NBAS: variants seen among roughly 807,000 people sequenced by gnomAD.
NBAS encodes NAG/BC035112 fusion.
NBAS carries 219 observed loss-of-function variants against 302.5 expected under a neutral mutation model. The observed-to-expected ratio is 0.72, with a 90% confidence interval of 0.65 to 0.81. The LOEUF is 0.81. Among genes scored for constraint, NBAS ranks in the 30% least tolerant of loss-of-function variants. NBAS has a pLI of 0.00. For synonymous variants in NBAS, 1,118 were observed against 1,021.6 expected, an observed-to-expected ratio of 1.09 and a Z score of -1.80; for missense variants, 2,932 against 2,841.6, an observed-to-expected ratio of 1.03 and a Z score of -0.72.
intron 23 of NBAS, 133 bp downstream of exon 23, chr2:15,424,182 A>T: frequency 4.8e-6 from 5 of 1,051,992 alleles, no homozygotes; most frequent in Non-Finnish European, 7.2e-6. Flanking sequence ...AAAGAAATAA[A>T]TATTCAATTC....
the NBAS span, among the ~76,000 whole-genome samples, chr2:15,082,141 T>C: frequency 2.0e-5 from 3 of 152,168 alleles, no homozygotes; most frequent in Non-Finnish European, 4.4e-5. Flanking sequence ...GTGGTGGTAT[T>C]ATTGGACCAA....
intron 3 of NBAS, among the ~76,000 whole-genome samples, chr2:15,555,645 A>C (rs1664610884): frequency 6.6e-6 from 1 of 152,202 alleles, no homozygotes; most frequent in Non-Finnish European, 1.5e-5. Context: ...ATTGAACTAT[A>C]ATCTTTTTGA....
At chr2:14,820,263 A>C in the NBAS span, among the ~76,000 whole-genome samples, 1 of 152,236 alleles carries the variant, frequency 6.6e-6, no homozygotes, top group Non-Finnish European at 1.5e-5. Context: ...GAAGCAACGT[A>C]AGTGTTCATC....
chr2:14,819,002 C>T, the NBAS span, among the ~76,000 whole-genome samples: 1 of 152,192 alleles, frequency 6.6e-6, no homozygotes, highest in Non-Finnish European at 1.5e-5. Flanking sequence ...CAGAGTCTTC[C>T]CTGAACAGCC....
chr2:15,369,658 T>A (rs1421593226), intron 31 of NBAS, among the ~76,000 whole-genome samples: 1 of 152,232 alleles, frequency 6.6e-6, no homozygotes, highest in Non-Finnish European at 1.5e-5. Flanking sequence ...AAGGAAGAAG[T>A]GTTCAACTCC....
chr2:15,424,210 A>C, intron 23 of NBAS, 105 bp downstream of exon 23: 1 of 1,265,872 alleles, frequency 7.9e-7, no homozygotes. Flanking sequence ...GCAATTATAT[A>C]CATGATTCCT....
intron 21 of NBAS, among the ~76,000 whole-genome samples, chr2:15,452,429 A>T (rs1220496851): frequency 2.4e-5 from 2 of 81,986 alleles, no homozygotes; most frequent in Non-Finnish European, 4.8e-5. Flanking sequence ...CCCCGTCTCT[A>T]CTAAAAAAAT....
At chr2:14,783,312 C>CA in the NBAS span, among the ~76,000 whole-genome samples, 2 of 150,970 alleles carry the variant, frequency 1.3e-5, no homozygotes, top group Non-Finnish European at 2.9e-5. Context: ...CCTCCAAATT[C>CA]TTTTTTTTAT....
At chr2:14,815,423 T>C in the NBAS span, among the ~76,000 whole-genome samples, 1 of 152,190 alleles carries the variant, frequency 6.6e-6, no homozygotes, top group Admixed American at 6.5e-5. Flanking sequence ...ATAAATCTAG[T>C]TCCTGGCACT....
At chr2:15,341,477 A>G (rs1672850072) in intron 35 of NBAS, among the ~76,000 whole-genome samples, 1 of 152,076 alleles carries the variant, frequency 6.6e-6, no homozygotes, top group African/African-American at 2.4e-5. Context: ...ACTAAGATAG[A>G]AAACTTGAAT....
the NBAS span, among the ~76,000 whole-genome samples, chr2:14,984,695 C>T: frequency 3.3e-5 from 5 of 152,168 alleles, no homozygotes; most frequent in African/African-American, 9.7e-5. Context: ...CCTTTCTCCA[C>T]CCCCAGAAGA....
At chr2:15,073,448 C>G in the NBAS span, among the ~76,000 whole-genome samples, 2,458 of 149,208 alleles carry the variant, frequency 0.016, 35 homozygotes, top group Admixed American at 0.038. Context: ...TGCACTCCAG[C>G]CTGGGCAACA....
In NBAS at chr2:15,306,648, A is replaced by G. The variant is rs182024915; in HGVS notation, c.4797+1568T>C. On this transcript the variant is annotated intron_variant, in intron 40 of 51. Transcript: ENST00000281513. ...GACCTGGAAATAAAATATGCTTTCTACCATGTGGAAGAACTATAAGAACAT... is the reference window on the plus strand; with the variant it reads ...GACCTGGAAATAAAATATGCTTTCTGCCATGTGGAAGAACTATAAGAACAT... Among the ~76,000 whole-genome samples the G allele has an allele frequency of 1.7e-4, 26 of 152,320 alleles. No homozygotes were observed. In the South Asian group the frequency reaches 2.1e-3, roughly 12 times the overall value.
the NBAS span, among the ~76,000 whole-genome samples, chr2:15,005,760 T>C: frequency 6.6e-6 from 1 of 152,208 alleles, no homozygotes. Context: ...TGCACAACTC[T>C]CAGGAGACTA....
chr2:15,492,812 G>C (rs892481342), intron 11 of NBAS, among the ~76,000 whole-genome samples: 3 of 152,138 alleles, frequency 2.0e-5, no homozygotes, highest in African/African-American at 7.2e-5. Flanking sequence ...TTCTGGCCCA[G>C]GGAATAATTC....
In NBAS at chr2:15,255,582, T is replaced by TTTGGTTTTGTTTCA. The variant is rs1311836467; in HGVS notation, c.5725-16910_5725-16897dup. Among the ~76,000 whole-genome samples, 8 of 152,158 alleles carry TTTGGTTTTGTTTCA rather than the reference T, an allele frequency of 5.3e-5. No individual in the cohort carries two copies. The East Asian group carries it at 1.6e-3, about 30-fold the overall frequency. On this transcript the variant is annotated intron_variant, in intron 44 of 51. Coordinates refer to ENST00000281513, the MANE Select transcript of NBAS (RefSeq NM_015909.4). ...TTTAATTAGGTACCATCTATTTATC[T>TTTGGTTTTGTTTCA]TTGGTTTTGTTTCATTTGCTTTGGG...
At chr2:14,966,970 T>C in the NBAS span, among the ~76,000 whole-genome samples, 2 of 152,144 alleles carry the variant, frequency 1.3e-5, no homozygotes, top group Admixed American at 6.5e-5. Context: ...AAGATCAATA[T>C]ACAAAAATCT....
the NBAS span, among the ~76,000 whole-genome samples, chr2:14,806,138 G>A: frequency 6.6e-6 from 1 of 152,102 alleles, no homozygotes; most frequent in Non-Finnish European, 1.5e-5. Flanking sequence ...AATTCAGTAG[G>A]TCTGAGATGC....
the NBAS span, among the ~76,000 whole-genome samples, chr2:14,893,735 C>T: frequency 9.2e-5 from 14 of 152,186 alleles, no homozygotes; most frequent in Non-Finnish European, 1.3e-4. Context: ...CTACTCCCCA[C>T]CCCAGTCCAT....
Sources: allele counts gnomAD v4.1 joint callset (sites outside exome capture counted in the v4.1 genomes callset), GRCh38; gene constraint gnomAD v4.1.1; transcripts MANE v1.5; gene names NCBI Gene and HGNC (gene_info 2026-07-23, HGNC 2026-07-21).